The following SPATA16 variants were observed in gnomAD, a reference collection of about 807,000 sequenced individuals.
The protein encoded by SPATA16 is spermatogenesis-associated protein 16.
Under a neutral mutation model 63.3 loss-of-function variants are expected in SPATA16, and 36 were observed. That is an observed-to-expected ratio of 0.57 (90% CI 0.44 to 0.75). The LOEUF is 0.75. Among genes scored for constraint, SPATA16 ranks in the 30% least tolerant of loss-of-function variants. The pLI, the probability that SPATA16 is intolerant of heterozygous loss-of-function variation, is 0.00. For synonymous variants in SPATA16, 203 were observed against 216.7 expected (o/e 0.94, Z 0.56); for missense variants, 646 against 679.3 (o/e 0.95, Z 0.54).
chr3:173,022,488 T>G (rs16846431), intron 3 of SPATA16, among the ~76,000 whole-genome samples: 2,606 of 152,340 alleles, frequency 0.017, 69 homozygotes, highest in African/African-American at 0.059. Context: ...TGTGCTTATC[T>G]TACGCCCCTG....
intron 6 of SPATA16, among the ~76,000 whole-genome samples, chr3:172,928,704 C>T (rs980706259): frequency 6.6e-6 from 1 of 152,228 alleles, no homozygotes; most frequent in African/African-American, 2.4e-5. Context: ...ATAAAACATG[C>T]TTGCAAAAAT....
At chr3:173,109,512 A>G (rs916832093) in intron 2 of SPATA16, among the ~76,000 whole-genome samples, 3 of 152,186 alleles carry the variant, frequency 2.0e-5, no homozygotes, top group African/African-American at 7.2e-5. Context: ...ACTAAGCCTG[A>G]AAAATATTTT....
chr3:173,017,013 CA>C (rs5854498), intron 4 of SPATA16, among the ~76,000 whole-genome samples: 135,390 of 140,324 alleles, frequency 0.96, 65,306 homozygotes, highest in East Asian at 0.99. Context: ...AAGACTGTCT[CA>C]AAAAAAAAAA....
At chr3:172,964,522 G>A (rs1208188005) in intron 5 of SPATA16, among the ~76,000 whole-genome samples, 1 of 152,078 alleles carries the variant, frequency 6.6e-6, no homozygotes, top group Non-Finnish European at 1.5e-5. Flanking sequence ...TACATTACCT[G>A]CAATTAGTTC....
Position 173,006,572 on chromosome 3 carries a change from A to T in SPATA16, c.848+12914T>A, listed in dbSNP as rs150238906. Among the ~76,000 whole-genome samples the T allele has an allele frequency of 2.9e-3, 445 of 152,342 alleles. 2 individuals are homozygous for T. Among genetic ancestry groups the T allele is most frequent in the African/African-American group, 0.01 (427 of 41,578 alleles). On this transcript the variant is annotated intron_variant, in intron 4 of 10. Transcript: ENST00000351008. The stretch of plus-strand genomic sequence containing the variant: ...CATCTCTTCAGAACCACTTGTCTTG[A>T]GTCTACCTGTGAGAATATTCTCCTC...
chr3:172,976,926 T>G, intron 5 of SPATA16, 42 bp downstream of exon 5: 38 of 1,531,800 alleles, frequency 2.5e-5, no homozygotes, highest in Non-Finnish European at 3.2e-5. Flanking sequence ...GCTCTAAAAA[T>G]GAGATGGGTT....
chr3:172,898,605 T>C (rs544403914), intron 10 of SPATA16, among the ~76,000 whole-genome samples: 3 of 151,342 alleles, frequency 2.0e-5, no homozygotes, highest in South Asian at 2.1e-4. Flanking sequence ...CTCCCTTTTT[T>C]ATTTGTTAGT....
chr3:173,140,034 G>A (rs984433598), intron 1 of SPATA16, among the ~76,000 whole-genome samples: 20 of 152,170 alleles, frequency 1.3e-4, no homozygotes, highest in African/African-American at 4.6e-4. Flanking sequence ...CTGCAGTAAG[G>A]ATTAACTGTG....
intron 2 of SPATA16, among the ~76,000 whole-genome samples, chr3:173,094,294 A>G (rs112907217): frequency 0.012 from 1,770 of 152,260 alleles, 39 homozygotes; most frequent in African/African-American, 0.04. Flanking sequence ...TTTGCCTGGT[A>G]GCTATTTAAA....
chr3:172,941,025 A>G (rs1005220170), intron 6 of SPATA16, among the ~76,000 whole-genome samples: 5 of 152,148 alleles, frequency 3.3e-5, no homozygotes, highest in Non-Finnish European at 4.4e-5. Flanking sequence ...TACATAAAAA[A>G]AAGATCTCAA....
chr3:173,077,730 G>A (rs995480697), intron 2 of SPATA16, among the ~76,000 whole-genome samples: 1 of 152,080 alleles, frequency 6.6e-6, no homozygotes, highest in South Asian at 2.1e-4. Context: ...TCTCCTAAAG[G>A]CTCTGTGAAA....
intron 3 of SPATA16, among the ~76,000 whole-genome samples, chr3:173,043,030 A>G (rs1361371829): frequency 6.6e-6 from 1 of 151,988 alleles, no homozygotes; most frequent in Non-Finnish European, 1.5e-5. Context: ...ATAGTGTATC[A>G]TTTTTCATTT....
At chr3:173,015,615 A>G (rs893596541) in intron 4 of SPATA16, among the ~76,000 whole-genome samples, 5 of 152,188 alleles carry the variant, frequency 3.3e-5, no homozygotes, top group African/African-American at 1.2e-4. Context: ...TATCTTATTG[A>G]TATAGCTGAA....
At chr3:173,131,230 T>G (rs1738376842) in intron 1 of SPATA16, among the ~76,000 whole-genome samples, 1 of 152,210 alleles carries the variant, frequency 6.6e-6, no homozygotes, top group Non-Finnish European at 1.5e-5. Flanking sequence ...AAATGGAACC[T>G]AACAAAATAC....
intron 6 of SPATA16, among the ~76,000 whole-genome samples, chr3:172,954,228 G>A (rs890569174): frequency 2.6e-5 from 4 of 152,170 alleles, no homozygotes; most frequent in African/African-American, 9.7e-5. Context: ...CATGGTGGAA[G>A]GCAAAGGAGG....
In SPATA16 at chr3:173,125,625, A is replaced by G. The variant is rs1738206228; in HGVS notation, c.-18-7876T>C. On this transcript the variant is annotated intron_variant, in intron 1 of 10. Coordinates refer to ENST00000351008, the MANE Select transcript of SPATA16 (RefSeq NM_031955.6). ...TTCCACTGTGTTTTTTATGTTATTC[A>G]GATCATAGCTTAAATATTTGTTCGC... 2.0e-5 allele frequency among the ~76,000 whole-genome samples: 3 copies of G among 152,352 alleles called. No homozygotes were observed. In the South Asian group the frequency reaches 6.2e-4, roughly 32 times the overall value.
intron 1 of SPATA16, among the ~76,000 whole-genome samples, chr3:173,120,773 C>G (rs1738041228): frequency 6.6e-6 from 1 of 152,146 alleles, no homozygotes; most frequent in Non-Finnish European, 1.5e-5. Context: ...TCCTCCCACT[C>G]CAATTCTCTT....
At chr3:173,015,583 T>A (rs1325646211) in intron 4 of SPATA16, among the ~76,000 whole-genome samples, 2 of 152,184 alleles carry the variant, frequency 1.3e-5, no homozygotes, top group African/African-American at 4.8e-5. Flanking sequence ...TCAATCAGGG[T>A]TCTAAAAAGA....
intron 10 of SPATA16, among the ~76,000 whole-genome samples, chr3:172,898,438 G>A (rs1732054215): frequency 6.6e-6 from 1 of 151,898 alleles, no homozygotes; most frequent in African/African-American, 2.4e-5. Flanking sequence ...TATTGGGTGA[G>A]TGGTGGTAGC....
Sources: gnomAD v4.1 joint callset for allele counts (sites outside exome capture counted in the v4.1 genomes callset) on GRCh38, gnomAD v4.1.1 for gene constraint, MANE v1.5 for transcripts, NCBI Gene and HGNC (gene_info 2026-07-23, HGNC 2026-07-21) for gene names.